Variants in DLG5 observed in about 807,000 individuals in gnomAD.
DLG5 encodes disks large homolog 5.
A neutral mutation model predicts 189.8 loss-of-function variants in DLG5; 48 were observed. The observed-to-expected ratio is 0.25, with a 90% CI of 0.20 to 0.32. The LOEUF (loss-of-function observed/expected upper bound fraction) is 0.32. DLG5 is among the 10% of genes least tolerant of loss of function. The pLI is 1.00. For synonymous variants in DLG5, 1,016 were observed against 1,054.1 expected, an observed-to-expected ratio of 0.96 and a Z score of 0.70; for missense variants, 2,160 against 2,544.7, an observed-to-expected ratio of 0.85 and a Z score of 3.25.
intron 1 of DLG5, among the ~76,000 whole-genome samples, chr10:77,890,888 C>T (rs1294008265): frequency 1.3e-5 from 2 of 152,180 alleles, no homozygotes; most frequent in Non-Finnish European, 2.9e-5. Context: ...ACTGGAGGGT[C>T]TCCATGGGCC....
intron 17 of DLG5, among the ~76,000 whole-genome samples, chr10:77,818,844 T>C (rs942050348): frequency 2.0e-5 from 3 of 152,164 alleles, no homozygotes; most frequent in Admixed American, 6.5e-5. Flanking sequence ...TAGAAGCTAA[T>C]TTGTTTAGTT....
At chr10:77,851,326 C>A (rs1231205394) in intron 5 of DLG5, among the ~76,000 whole-genome samples, 1 of 152,220 alleles carries the variant, frequency 6.6e-6, no homozygotes, top group Non-Finnish European at 1.5e-5. Context: ...AAGGAAGGGT[C>A]CCTGCAGGGG....
intron 19 of DLG5, 125 bp downstream of exon 19, chr10:77,816,882 G>C: frequency 1.5e-6 from 2 of 1,374,094 alleles, no homozygotes; most frequent in Non-Finnish European, 2.0e-6. Flanking sequence ...CTACTGCTGG[G>C]CTCAGTGAAT....
intron 1 of DLG5, among the ~76,000 whole-genome samples, chr10:77,911,486 G>T (rs1248884): frequency 0.3 from 46,346 of 151,994 alleles, 7,673 homozygotes; most frequent in Admixed American, 0.43. Context: ...TGTTTCCTTT[G>T]TTTTGCTATC....
chr10:77,806,035 C>G (rs1167991942), intron 26 of DLG5, 174 bp from the exon 27 acceptor site: 1 of 594,084 alleles, frequency 1.7e-6, no homozygotes, highest in Non-Finnish European at 2.9e-6. Context: ...TCGGTACATG[C>G]TGCGGGGGTG....
intron 1 of DLG5, among the ~76,000 whole-genome samples, chr10:77,894,543 C>CTT (rs35379334): frequency 0.039 from 3,719 of 95,852 alleles, 248 homozygotes; most frequent in African/African-American, 0.1. Context: ...AAGAATAAAG[C>CTT]TTTTTTTTTT....
intron 1 of DLG5, among the ~76,000 whole-genome samples, chr10:77,880,412 C>G (rs1845242505): frequency 6.6e-6 from 1 of 152,174 alleles, no homozygotes; most frequent in African/African-American, 2.4e-5. Context: ...TGAGATTGCA[C>G]CACTGCACTC....
Position 77,805,707 on chromosome 10 carries a change from C to T in DLG5, c.5122G>A (p.Ala1708Thr), listed in dbSNP as rs373426065. Residue 1708 changes from alanine to threonine, a missense_variant, in exon 27 of 32, where the codon GCC becomes ACC. Ala to Thr is a moderately conservative substitution (Grantham distance 58). Coordinates refer to ENST00000372391, the MANE Select transcript of DLG5 (RefSeq NM_004747.4). ...GAGTCACTGGAAAAGGCATCCAAGG[C>T]GAGCAGGTCTTTCCCGTCCTTGGAC... Reference protein sequence around the residue: ...SGSKDGKDLLALDAFSSDSIP... With the variant: ...SGSKDGKDLLTLDAFSSDSIP... The T allele has an allele frequency of 8.7e-6, 14 of 1,613,738 alleles. No homozygotes were observed. Among genetic ancestry groups the T allele is most frequent in the South Asian group, 5.5e-5 (5 of 91,050 alleles).
chr10:77,818,023 C>T (rs1449971604), intron 17 of DLG5, 134 bp from the exon 18 acceptor site: 9 of 715,732 alleles, frequency 1.3e-5, no homozygotes, highest in Admixed American at 5.4e-5. Context: ...GATTATCAGC[C>T]GAGGATAGCA....
chr10:77,845,391 C>T (rs1335970143), intron 5 of DLG5: 1 of 152,178 alleles, frequency 6.6e-6, no homozygotes, highest in Non-Finnish European at 1.5e-5. Context: ...GCCTAGAGAA[C>T]CAGAAGCTGG....
chr10:77,864,321 C>T (rs904557918), intron 2 of DLG5, among the ~76,000 whole-genome samples: 38 of 152,234 alleles, frequency 2.5e-4, no homozygotes, highest in African/African-American at 8.7e-4. Context: ...GGTAAACTTC[C>T]TGGCCACCTC....
chr10:77,835,674 ACC>A, intron 8 of DLG5, 62 bp downstream of exon 8: 2 of 1,509,404 alleles, frequency 1.3e-6, no homozygotes, highest in East Asian at 4.7e-5. Context: ...CTCCCAACAG[ACC>A]CTAGCAGGTC....
At chr10:77,925,788 G>T (rs533824192) in intron 1 of DLG5, among the ~76,000 whole-genome samples, 1 of 152,330 alleles carries the variant, frequency 6.6e-6, no homozygotes, top group African/African-American at 2.4e-5. Flanking sequence ...CAGGATGGCA[G>T]CGACCAAAAC....
At chr10:77,897,596 G>A (rs1213097558) in intron 1 of DLG5, among the ~76,000 whole-genome samples, 1 of 150,970 alleles carries the variant, frequency 6.6e-6, no homozygotes, top group Non-Finnish European at 1.5e-5. Flanking sequence ...GACCGAGGTG[G>A]GTCAATAACC....
chr10:77,887,709 T>C (rs912727020), intron 1 of DLG5, among the ~76,000 whole-genome samples: 6 of 152,290 alleles, frequency 3.9e-5, no homozygotes, highest in Admixed American at 3.3e-4. Context: ...AAGAGATTCA[T>C]GGGGCAGAAG....
chr10:77,826,347 G>A (rs1842638653), intron 13 of DLG5, among the ~76,000 whole-genome samples: 1 of 152,228 alleles, frequency 6.6e-6, no homozygotes, highest in Non-Finnish European at 1.5e-5. Context: ...CGTGAATGTG[G>A]GCTGGGCATG....
rs780259930 is a variant in DLG5, at chr10:77,828,882, C to T, written c.2289G>A (p.Ala763=). ...GSLAVGDRIV[A]INGIALDNKS... ...CCCTGGCTCCAGCCTTGAGACTTACCGCAACGATCCTGTCTCCCACAGCAA... is the reference window on the plus strand; with the variant it reads ...CCCTGGCTCCAGCCTTGAGACTTACTGCAACGATCCTGTCTCCCACAGCAA... The change falls in exon 13 of 32, where the codon GCG becomes GCA. Residue 763 remains alanine, a splice_region_variant and synonymous_variant. Transcript: ENST00000372391. 4 of 1,614,116 alleles carry T rather than the reference C, an allele frequency of 2.5e-6. No individual in the cohort carries two copies. The highest frequency in any genetic ancestry group is 2.2e-5 in the East Asian group (1 of 44,886).
chr10:77,799,300 T>C (rs1841084010), intron 27 of DLG5, among the ~76,000 whole-genome samples: 1 of 152,256 alleles, frequency 6.6e-6, no homozygotes, highest in Non-Finnish European at 1.5e-5. Flanking sequence ...TCGACATTTA[T>C]ATGTTGAAGC....
At chr10:77,806,725 C>A in intron 26 of DLG5, 33 bp downstream of exon 26, 1 of 1,415,280 alleles carries the variant, frequency 7.1e-7, no homozygotes, top group Non-Finnish European at 9.9e-7. Context: ...GCGACCCCTG[C>A]CCCACCCCAC....
Sources: gnomAD v4.1 joint callset for allele counts (sites outside exome capture counted in the v4.1 genomes callset) on GRCh38, gnomAD v4.1.1 for gene constraint, MANE v1.5 for transcripts, NCBI Gene and HGNC (gene_info 2026-07-23, HGNC 2026-07-21) for gene names.